LBR: variants seen among roughly 807,000 people sequenced by gnomAD.
LBR encodes the protein lamin B receptor.
Under a neutral mutation model 74.3 loss-of-function variants are expected in LBR, and 28 were observed. The observed-to-expected ratio is 0.38, with a 90% CI of 0.28 to 0.52. LBR has a LOEUF of 0.52. LBR is among the 20% of genes least tolerant of loss of function. The pLI is 0.89. For synonymous variants in LBR, 228 were observed against 269.3 expected (o/e 0.85, Z 1.50); for missense variants, 717 against 760.3 (o/e 0.94, Z 0.67).
At position 225,403,083 on chromosome 1, in the gene LBR, C is replaced by G; in HGVS notation, c.*220G>C. ...TTTCCCATTAAAATGCAAATTCTCA[C>G]ATCCTTACTTGTATTTTTCCTATGT... On this transcript the variant is annotated 3_prime_UTR_variant, in exon 14 of 14. Transcript: ENST00000272163. 1.8e-6 allele frequency: 1 copy of G among 542,292 alleles called. No homozygotes were observed. The highest frequency in any genetic ancestry group is 3.3e-6 in the Non-Finnish European group (1 of 306,168). The allele number at this position is 542,292 out of a possible 1,614,324, so 33.6% of individuals were successfully genotyped here.
intron 1 of LBR, chr1:225,427,590 C>CG (rs890594450): frequency 6.6e-6 from 1 of 152,244 alleles, no homozygotes; most frequent in African/African-American, 2.4e-5. Context: ...AGCCAGGCTG[C>CG]GGTGGGGCAG....
chr1:225,415,361 C>G, intron 6 of LBR, 29 bp from the exon 7 acceptor site: 4 of 1,257,346 alleles, frequency 3.2e-6, no homozygotes, highest in Middle Eastern at 4.0e-4. Flanking sequence ...TACAAATTTA[C>G]TAAGCACATC....
In LBR at chr1:225,415,500, C is replaced by T. The variant is rs112293807; in HGVS notation, c.838-168G>A. On this transcript the variant is annotated intron_variant, in intron 6 of 13. Coordinates refer to ENST00000272163, the MANE Select transcript of LBR (RefSeq NM_002296.4). ...TAATATGTTTCAAAAACCCTAGTGGCAAGCCCTTTAATGACGCAATTCCAC... is the reference window on the plus strand; with the variant it reads ...TAATATGTTTCAAAAACCCTAGTGGTAAGCCCTTTAATGACGCAATTCCAC... Among the ~76,000 whole-genome samples the T allele has an allele frequency of 1.9e-3, 292 of 152,264 alleles. 1 individual carries two copies. The highest frequency in any genetic ancestry group is 6.7e-3 in the African/African-American group (277 of 41,536).
At chr1:225,414,435 G>T (rs796784841) in intron 7 of LBR, among the ~76,000 whole-genome samples, 13 of 152,330 alleles carry the variant, frequency 8.5e-5, no homozygotes, top group African/African-American at 3.1e-4. Context: ...CTTGTCAAAT[G>T]GAAAATCATT....
At chr1:225,427,891 C>T in intron 1 of LBR, 63 bp downstream of exon 1, 1 of 152,154 alleles carries the variant, frequency 6.6e-6, no homozygotes, top group East Asian at 1.9e-4. Flanking sequence ...CTTCCTCCCC[C>T]AGCGGCCCCT....
chr1:225,420,153 C>CA (rs2096125036), intron 3 of LBR, among the ~76,000 whole-genome samples: 1 of 151,896 alleles, frequency 6.6e-6, no homozygotes, highest in African/African-American at 2.4e-5. Flanking sequence ...ACTAAAAATA[C>CA]AAAAAAATTA....
intron 7 of LBR, among the ~76,000 whole-genome samples, chr1:225,413,302 C>T (rs927541625): frequency 6.6e-6 from 1 of 152,220 alleles, no homozygotes; most frequent in Non-Finnish European, 1.5e-5. Flanking sequence ...AGTTAAAAAG[C>T]ACCCGCCCTG....
rs75830066 is a variant in LBR at position 225,416,546 on chromosome 1, A to C, written c.838-1214T>G. 5.6e-3 allele frequency among the ~76,000 whole-genome samples: 856 copies of C among 152,372 alleles called. 10 individuals carry two copies. Among genetic ancestry groups the C allele is most frequent in the East Asian group, 0.042 (220 of 5,190 alleles). ...AAACGTAAAAGCTGTTTGAGATCACAGGATTAGTAAAATGCCACATGCTAA... is the reference window on the plus strand; with the variant it reads ...AAACGTAAAAGCTGTTTGAGATCACCGGATTAGTAAAATGCCACATGCTAA... On this transcript the variant is annotated intron_variant, in intron 6 of 13. Transcript: ENST00000272163.
intron 11 of LBR, among the ~76,000 whole-genome samples, chr1:225,406,230 C>A (rs777351720): frequency 3.0e-4 from 45 of 152,142 alleles, no homozygotes; most frequent in Non-Finnish European, 4.9e-4. Context: ...CTTTAACACC[C>A]GTCATCTAAG....
chr1:225,412,419 C>A (rs370326566), intron 8 of LBR, 35 bp downstream of exon 8: 2 of 1,593,422 alleles, frequency 1.3e-6, no homozygotes, highest in Non-Finnish European at 1.7e-6. Flanking sequence ...GGCTCTGGGA[C>A]GCATTCATCC....
In LBR at chr1:225,402,607, CAGTT is replaced by C. The variant is rs959605005; in HGVS notation, c.*692_*695del. On this transcript the variant is annotated 3_prime_UTR_variant, in exon 14 of 14. Transcript: ENST00000272163. ...TACTGAAAATGTTTTGTTAAAAAGA[CAGTT>C]AGTCCTGACAATCATCTCACATTCA... 7.9e-5 allele frequency: 12 copies of C among 152,666 alleles called. No individual in the cohort carries two copies. In the East Asian group the frequency reaches 1.4e-3, roughly 17 times the overall value. 9.5% of individuals were successfully genotyped at this position (152,666 alleles called of 1,614,324 possible).
chr1:225,422,391 A>G, intron 2 of LBR, 114 bp from the exon 3 acceptor site: 6 of 824,488 alleles, frequency 7.3e-6, no homozygotes, highest in East Asian at 2.7e-5. Context: ...CTCTAAAATC[A>G]GCACGGGAAA....
rs2096144314 is a variant in LBR at position 225,428,018 on chromosome 1, C to G, written c.-79G>C. The G allele has an allele frequency of 6.6e-6, 1 of 152,252 alleles. No individual in the cohort carries two copies. The highest frequency in any genetic ancestry group is 2.4e-5 in the African/African-American group (1 of 41,552). 9.4% of individuals were successfully genotyped at this position (152,252 alleles called of 1,614,324 possible). ...GAATAGTCGCACAGCAACCCGGCGGCAGATCCACGCGCGCGACGCTACCCG... is the reference window on the plus strand; with the variant it reads ...GAATAGTCGCACAGCAACCCGGCGGGAGATCCACGCGCGCGACGCTACCCG... On this transcript the variant is annotated 5_prime_UTR_variant, in exon 1 of 14. Transcript: ENST00000272163.
intron 7 of LBR, chr1:225,413,820 TA>T: frequency 5.4e-6 from 2 of 367,092 alleles, no homozygotes; most frequent in Non-Finnish European, 1.1e-5. Flanking sequence ...AGGAAATTTT[TA>T]AAAAGGATCA....
intron 13 of LBR, 102 bp from the exon 14 acceptor site, chr1:225,403,565 A>G: frequency 1.1e-6 from 1 of 874,554 alleles, no homozygotes; most frequent in Non-Finnish European, 1.8e-6. Context: ...ACCACAAGGT[A>G]CTTCATTTTC....
chr1:225,414,868 G>A (rs2096114114), intron 7 of LBR, among the ~76,000 whole-genome samples: 1 of 152,202 alleles, frequency 6.6e-6, no homozygotes, highest in Non-Finnish European at 1.5e-5. Flanking sequence ...ACGTTTGGGG[G>A]TAAGTTCTCC....
At chr1:225,415,200 C>G (rs2096114690) in intron 7 of LBR, 78 bp downstream of exon 7, 2 of 949,632 alleles carry the variant, frequency 2.1e-6, no homozygotes, top group Non-Finnish European at 3.3e-6. Flanking sequence ...CTGGTCTAAT[C>G]AGCTTTAACA....
In LBR at chr1:225,403,338, G is replaced by T; in HGVS notation, c.1813C>A (p.Arg605Ser). ...YGVAWEKYCQRVPYRIFPYIY is the reference protein window; with the variant it reads ...YGVAWEKYCQSVPYRIFPYIY ...TATGGAAATATACGGTAGGGCACAC[G>T]CTGACAGTACTTTTCCCAAGCCACG... Residue 605 changes from arginine (R) to serine (S), a missense_variant, in exon 14 of 14, where the codon CGT becomes AGT. Coordinates refer to ENST00000272163, the MANE Select transcript of LBR (RefSeq NM_002296.4). 6.2e-7 allele frequency: 1 copy of T among 1,613,640 alleles called. No individual in the cohort carries two copies. Among genetic ancestry groups the T allele is most frequent in the Non-Finnish European group, 8.5e-7 (1 of 1,179,904 alleles).
intron 5 of LBR, 39 bp downstream of exon 5, chr1:225,419,224 A>G (rs1462026756): frequency 1.2e-6 from 2 of 1,601,934 alleles, no homozygotes; most frequent in Non-Finnish European, 1.7e-6. Context: ...CCCCTAGCTC[A>G]CCCCACCTGC....
Sources: allele counts gnomAD v4.1 joint callset (sites outside exome capture counted in the v4.1 genomes callset), GRCh38; gene constraint gnomAD v4.1.1; transcripts MANE v1.5; gene names NCBI Gene and HGNC (gene_info 2026-07-23, HGNC 2026-07-21).